The following LAMA1 variants were observed in gnomAD, a reference collection of about 807,000 sequenced individuals.
The protein encoded by LAMA1 is laminin subunit alpha 1.
LAMA1 carries 219 observed loss-of-function variants against 348.7 expected under a neutral mutation model. That is an observed-to-expected ratio of 0.63 (90% CI 0.56 to 0.70). The LOEUF is 0.70. LAMA1 is among the 30% of genes least tolerant of loss of function. The pLI is 0.00. For synonymous variants in LAMA1, 1,487 were observed against 1,491.0 expected (o/e 1.00, Z 0.06); for missense variants, 3,744 against 3,888.0 (o/e 0.96, Z 0.99).
At chr18:7,012,606 A>G (rs2057866620) in intron 23 of LAMA1, among the ~76,000 whole-genome samples, 1 of 150,548 alleles carries the variant, frequency 6.6e-6, no homozygotes, top group Non-Finnish European at 1.5e-5. Flanking sequence ...CCCGGGTTCA[A>G]GCGATTCTCC....
At chr18:7,089,112 C>T (rs1046168147) in intron 1 of LAMA1, among the ~76,000 whole-genome samples, 2 of 152,154 alleles carry the variant, frequency 1.3e-5, no homozygotes, top group African/African-American at 4.8e-5. Flanking sequence ...AGGGTGGTGG[C>T]TCATGCCTGT....
At chr18:6,970,993 T>C (rs2057655876) in intron 48 of LAMA1, among the ~76,000 whole-genome samples, 1 of 152,080 alleles carries the variant, frequency 6.6e-6, no homozygotes, top group South Asian at 2.1e-4. Context: ...AAATGAAAAA[T>C]TCACCCGTGA....
At position 7,044,799 on chromosome 18, in the gene LAMA1, C is replaced by T. The variant is rs2058035311; in HGVS notation, c.899G>A (p.Ser300Asn). Residue 300 changes from serine to asparagine, a missense_variant, in exon 7 of 63, where the codon AGC becomes AAC. Transcript: ENST00000389658. Reference sequence around the variant, plus strand: ...GTACCCAGGACAGCACCTGTTACAGCTCTCCCCGCAAGTATTATGCTCACA... The same window carrying T: ...GTACCCAGGACAGCACCTGTTACAGTTCTCCCCGCAAGTATTATGCTCACA... ...CQCEHNTCGESCNRCCPGYHQ... is the reference protein window; with the variant it reads ...CQCEHNTCGENCNRCCPGYHQ... The T allele has an allele frequency of 1.9e-6, 3 of 1,614,184 alleles. No individual in the cohort carries two copies. The highest frequency in any genetic ancestry group is 4.5e-5 in the East Asian group (2 of 44,868).
chr18:7,049,147 C>T lies in LAMA1; in HGVS notation c.699G>A (p.Thr233=), dbSNP rs146352388. ...YIRLRLQRIR[T]LNADLMTLSH... is the part of the protein sequence containing the mutation. ...TAAGGGTCATGAGATCTGCATTGAG[C>T]GTTCTAATGCGTTGCAAGCGAAGGC... Residue 233 remains threonine (T), a synonymous_variant, in exon 5 of 63, where the codon ACG becomes ACA. Transcript: ENST00000389658. The T allele has an allele frequency of 5.4e-5, 87 of 1,613,720 alleles. No individual in the cohort carries two copies. The highest frequency in any genetic ancestry group is 7.0e-5 in the Non-Finnish European group (82 of 1,179,830).
intron 57 of LAMA1, among the ~76,000 whole-genome samples, chr18:6,951,701 G>T (rs1165502289): frequency 6.6e-6 from 1 of 152,214 alleles, no homozygotes; most frequent in African/African-American, 2.4e-5. Context: ...TGTTACGACA[G>T]CCAACGGGAG....
Position 6,964,589 on chromosome 18 carries a change from C to A in LAMA1, c.7337+73G>T, listed in dbSNP as rs556329719. Reference sequence around the variant, plus strand: ...TGTTTAAGCCACCTGGTTTGTGATACAGTCCATTCTCAGCCCTAGCAAGCT... The same window carrying A: ...TGTTTAAGCCACCTGGTTTGTGATAAAGTCCATTCTCAGCCCTAGCAAGCT... On this transcript the variant is annotated intron_variant, in intron 51 of 62. Coordinates refer to ENST00000389658, the MANE Select transcript of LAMA1 (RefSeq NM_005559.4). 9 of 1,554,608 alleles carry A rather than the reference C, an allele frequency of 5.8e-6. No individual in the cohort carries two copies. In the African/African-American group the frequency reaches 1.2e-4, roughly 21 times the overall value.
chr18:6,979,371 T>C (rs1600367506), intron 42 of LAMA1, among the ~76,000 whole-genome samples: 1 of 152,090 alleles, frequency 6.6e-6, no homozygotes, highest in African/African-American at 2.4e-5. Flanking sequence ...AAGATGCTTA[T>C]TAAGAAAAAA....
intron 48 of LAMA1, among the ~76,000 whole-genome samples, chr18:6,970,776 A>G (rs1173708818): frequency 6.6e-6 from 1 of 151,924 alleles, no homozygotes; most frequent in African/African-American, 2.4e-5. Flanking sequence ...CCATGCCCAG[A>G]TAATTTTTGT....
At chr18:7,094,666 T>C (rs2045782) in intron 1 of LAMA1, among the ~76,000 whole-genome samples, 77,161 of 151,848 alleles carry the variant, frequency 0.51, 20,602 homozygotes, top group Non-Finnish European at 0.58. Flanking sequence ...GGTACTTCAG[T>C]TAAAACAAAG....
chr18:6,947,842 A>G (rs1317426407), intron 60 of LAMA1, among the ~76,000 whole-genome samples: 1 of 152,144 alleles, frequency 6.6e-6, no homozygotes, highest in Non-Finnish European at 1.5e-5. Context: ...AGTTGTTACC[A>G]TGCCCAGGGC....
At chr18:6,977,045 G>T (rs658121) in intron 44 of LAMA1, among the ~76,000 whole-genome samples, 30,626 of 152,174 alleles carry the variant, frequency 0.2, 3,848 homozygotes, top group African/African-American at 0.35. Flanking sequence ...TCCCTAGAAA[G>T]CCTCAGGTGG....
intron 46 of LAMA1, among the ~76,000 whole-genome samples, chr18:6,973,689 A>G (rs2057668655): frequency 1.3e-5 from 2 of 152,184 alleles, no homozygotes; most frequent in Admixed American, 6.5e-5. Flanking sequence ...AGCCACATGC[A>G]ATGTCTACCA....
At chr18:7,056,665 GAAAC>G (rs1408533437) in intron 3 of LAMA1, among the ~76,000 whole-genome samples, 3 of 152,062 alleles carry the variant, frequency 2.0e-5, no homozygotes, top group Admixed American at 2.0e-4. Flanking sequence ...GTAATGCCAA[GAAAC>G]AAACAAACAA....
intron 3 of LAMA1, among the ~76,000 whole-genome samples, chr18:7,075,953 A>C (rs1238003522): frequency 1.3e-5 from 2 of 151,266 alleles, no homozygotes; most frequent in African/African-American, 4.9e-5. Context: ...AAAAAAAAGT[A>C]CTGATCCATA....
At chr18:7,084,666 T>C (rs2058207725) in intron 1 of LAMA1, among the ~76,000 whole-genome samples, 1 of 152,228 alleles carries the variant, frequency 6.6e-6, no homozygotes, top group Admixed American at 6.5e-5. Context: ...TTACTGTTTT[T>C]AAACCCTTTC....
intron 4 of LAMA1, 96 bp downstream of exon 4, chr18:7,050,598 T>C (rs897156349): frequency 1.3e-6 from 2 of 1,556,584 alleles, no homozygotes; most frequent in Non-Finnish European, 8.8e-7. Context: ...GATAGTTATA[T>C]TAAAGATCTT....
chr18:7,062,323 T>C (rs985015870), intron 3 of LAMA1, among the ~76,000 whole-genome samples: 1 of 152,072 alleles, frequency 6.6e-6, no homozygotes, highest in Non-Finnish European at 1.5e-5. Context: ...AGATGAGAGA[T>C]GTCCAGGTAA....
At chr18:7,117,180 C>T (rs529447261) in intron 1 of LAMA1, among the ~76,000 whole-genome samples, 10 of 152,290 alleles carry the variant, frequency 6.6e-5, no homozygotes, top group African/African-American at 2.2e-4. Flanking sequence ...CCGGCCGCCG[C>T]GACCCAGCTT....
chr18:7,067,956 C>T (rs1429748480), intron 3 of LAMA1, among the ~76,000 whole-genome samples: 4 of 151,978 alleles, frequency 2.6e-5, no homozygotes, highest in South Asian at 2.1e-4. Context: ...TGGGTTCAAG[C>T]GATTCTCCTG....
Sources: gnomAD v4.1 joint callset for allele counts (sites outside exome capture counted in the v4.1 genomes callset) on GRCh38, gnomAD v4.1.1 for gene constraint, MANE v1.5 for transcripts, NCBI Gene and HGNC (gene_info 2026-07-23, HGNC 2026-07-21) for gene names.